RBFOX1: variants seen among roughly 807,000 people sequenced by gnomAD.
RBFOX1 encodes the protein RNA binding fox-1 homolog 1.
A neutral mutation model predicts 57.7 loss-of-function variants in RBFOX1; 8 were observed. That is an observed-to-expected ratio of 0.14 (90% CI 0.08 to 0.25). The LOEUF is 0.25. Among genes scored for constraint, RBFOX1 ranks in the 10% least tolerant of loss-of-function variants. The pLI is 1.00. For missense variants in RBFOX1, 611 were observed against 548.5 expected (o/e 1.11, Z -1.14); for synonymous variants, 326 against 222.4 (o/e 1.47, Z -4.15).
intron 4 of RBFOX1, among the ~76,000 whole-genome samples, chr16:7,201,195 T>G (rs1309391236): frequency 6.6e-6 from 1 of 152,154 alleles, no homozygotes; most frequent in East Asian, 1.9e-4. Context: ...AAACAAAGTC[T>G]GGTATATGCA....
intron 2 of RBFOX1, among the ~76,000 whole-genome samples, chr16:6,471,943 C>T (rs2095184696): frequency 1.3e-5 from 2 of 152,162 alleles, no homozygotes; most frequent in South Asian, 2.1e-4. Flanking sequence ...GCAACAACTT[C>T]CCCCGTCTCT....
intron 3 of RBFOX1, among the ~76,000 whole-genome samples, chr16:5,645,469 T>A (rs1224160650): frequency 6.6e-6 from 1 of 152,194 alleles, no homozygotes; most frequent in Non-Finnish European, 1.5e-5. Context: ...GGATGTGATG[T>A]TTGCACACAG....
chr16:6,617,648 C>T (rs2098163359), intron 2 of RBFOX1, among the ~76,000 whole-genome samples: 1 of 152,052 alleles, frequency 6.6e-6, no homozygotes, highest in African/African-American at 2.4e-5. Flanking sequence ...TGTCAGAGCC[C>T]ATCACAGGCA....
chr16:6,892,990 A>G (rs2065890836), intron 3 of RBFOX1, among the ~76,000 whole-genome samples: 1 of 152,026 alleles, frequency 6.6e-6, no homozygotes, highest in Non-Finnish European at 1.5e-5. Context: ...TTAATTGCAA[A>G]AACTACAATT....
In RBFOX1 at chr16:6,642,252, ATTC is replaced by A. The variant is rs988244496; in HGVS notation, c.-63-12345_-63-12343del. ...GTTTGCAGCTGACATCTCGAGAAGT[ATTC>A]TTCTTAAAAGCTGAGCGAAAATTAT... On this transcript the variant is annotated intron_variant, in intron 2 of 15. Transcript: ENST00000550418. Among the ~76,000 whole-genome samples, 12 of 152,212 alleles carry A rather than the reference ATTC, an allele frequency of 7.9e-5. 1 individual carries two copies. Among genetic ancestry groups the A allele is most frequent in the East Asian group, 7.7e-4 (4 of 5,188 alleles).
chr16:7,404,730 C>A (rs148227385), intron 4 of RBFOX1, among the ~76,000 whole-genome samples: 2 of 151,968 alleles, frequency 1.3e-5, no homozygotes, highest in Non-Finnish European at 2.9e-5. Context: ...ACAAACAAAA[C>A]CGAATGCACT....
At chr16:7,170,430 C>G (rs1354815116) in intron 4 of RBFOX1, among the ~76,000 whole-genome samples, 4 of 152,116 alleles carry the variant, frequency 2.6e-5, no homozygotes, top group African/African-American at 7.2e-5. Flanking sequence ...GGTCACCACA[C>G]CCAGCTAATT....
At chr16:6,886,306 C>T (rs1316296743) in intron 3 of RBFOX1, among the ~76,000 whole-genome samples, 2 of 152,052 alleles carry the variant, frequency 1.3e-5, no homozygotes, top group East Asian at 3.9e-4. Flanking sequence ...ACGTGATCTG[C>T]CCACCTCGAC....
At chr16:6,994,298 C>T (rs556864496) in intron 3 of RBFOX1, among the ~76,000 whole-genome samples, 261 of 152,236 alleles carry the variant, frequency 1.7e-3, no homozygotes, top group Non-Finnish European at 3.4e-3. Context: ...AAGCCATCTT[C>T]ATCTTAAATG....
intron 5 of RBFOX1, among the ~76,000 whole-genome samples, chr16:7,556,855 G>A (rs969601238): frequency 6.6e-6 from 1 of 152,108 alleles, no homozygotes; most frequent in Non-Finnish European, 1.5e-5. Flanking sequence ...AGATATAAAG[G>A]TTGTTATTGT....
At chr16:7,361,992 T>C (rs148972421) in intron 4 of RBFOX1, among the ~76,000 whole-genome samples, 16 of 151,944 alleles carry the variant, frequency 1.1e-4, no homozygotes, top group African/African-American at 3.9e-4. Context: ...TGTATGTGTG[T>C]TAGTGTGTGT....
chr16:6,852,524 C>G (rs944676788), intron 3 of RBFOX1, among the ~76,000 whole-genome samples: 1 of 152,320 alleles, frequency 6.6e-6, no homozygotes, highest in Non-Finnish European at 1.5e-5. Context: ...TTCCTTGTGT[C>G]TCAGAAATTA....
intron 1 of RBFOX1, among the ~76,000 whole-genome samples, chr16:5,308,711 C>A (rs1447850623): frequency 6.6e-6 from 1 of 151,258 alleles, no homozygotes; most frequent in Non-Finnish European, 1.5e-5. Context: ...TTATAGTTGC[C>A]TTTATTTTTA....
At chr16:7,310,180 G>T (rs1216225739) in intron 4 of RBFOX1, among the ~76,000 whole-genome samples, 1 of 152,172 alleles carries the variant, frequency 6.6e-6, no homozygotes, top group Non-Finnish European at 1.5e-5. Context: ...ATGAGCAATG[G>T]ACCCGCAGGC....
chr16:6,819,055 C>A (rs75598343), intron 3 of RBFOX1, among the ~76,000 whole-genome samples: 2 of 152,156 alleles, frequency 1.3e-5, no homozygotes, highest in Non-Finnish European at 2.9e-5. Flanking sequence ...ATTGTATAAG[C>A]GACTTGAATG....
rs1345662627 is a variant in RBFOX1 at position 7,054,213 on chromosome 16, C to CGGCGGGG, written c.27+2117_27+2118insCGGGGGG. Among the ~76,000 whole-genome samples, 16 of 17,828 alleles carry CGGCGGGG rather than the reference C, an allele frequency of 9.0e-4. 1 individual carries two copies. The highest frequency in any genetic ancestry group is 6.9e-3 in the African/African-American group (15 of 2,170). The allele number at this position is 17,828 out of a possible 152,430, so 11.7% of individuals were successfully genotyped here. A position where few individuals can be genotyped will look rare whatever the true frequency, so the allele number is the denominator to read the frequency against. On this transcript the variant is annotated intron_variant, in intron 4 of 15. Transcript: ENST00000550418. ...CCCTTATTAAGGTGATTTTTTTTTT[C>CGGCGGGG]GGGGGGGGGGGGCGGGGAGCTTTTT...
chr16:6,185,832 A>T (rs1049154449), intron 1 of RBFOX1, among the ~76,000 whole-genome samples: 1 of 152,186 alleles, frequency 6.6e-6, no homozygotes, highest in East Asian at 1.9e-4. Flanking sequence ...AGTAGGAGAC[A>T]GGAGGAGAGT....
intron 2 of RBFOX1, among the ~76,000 whole-genome samples, chr16:5,529,238 T>A (rs2044364137): frequency 6.6e-6 from 1 of 152,174 alleles, no homozygotes; most frequent in Non-Finnish European, 1.5e-5. Context: ...GACTTTGTTA[T>A]GGGTTGAATT....
chr16:6,710,541 CTTTA>C (rs1219991759), intron 3 of RBFOX1, among the ~76,000 whole-genome samples: 1 of 152,226 alleles, frequency 6.6e-6, no homozygotes, highest in Non-Finnish European at 1.5e-5. Flanking sequence ...GTGATGGTTA[CTTTA>C]TCTAAAGGTG....
Sources: gnomAD v4.1 joint callset for allele counts (sites outside exome capture counted in the v4.1 genomes callset) on GRCh38, gnomAD v4.1.1 for gene constraint, MANE v1.5 for transcripts, NCBI Gene and HGNC (gene_info 2026-07-23, HGNC 2026-07-21) for gene names.